IL31RA: variants seen among roughly 807,000 people sequenced by gnomAD.
The protein encoded by IL31RA is interleukin-31 receptor subunit alpha.
IL31RA carries 66 observed loss-of-function variants against 83.7 expected under a neutral mutation model. That is an observed-to-expected ratio of 0.79 (90% CI 0.65 to 0.97). The LOEUF (loss-of-function observed/expected upper bound fraction) is 0.97, where lower values mean the gene tolerates loss of function less well. Ranked by LOEUF, IL31RA falls within the 50% of genes least tolerant of loss-of-function variation. The pLI, the probability that IL31RA is intolerant of heterozygous loss-of-function variation, is 0.00. For synonymous variants in IL31RA, 325 were observed against 329.0 expected (o/e 0.99, Z 0.13); for missense variants, 798 against 919.4 (o/e 0.87, Z 1.71).
intron 2 of IL31RA, among the ~76,000 whole-genome samples, chr5:55,861,747 C>CT (rs1321763554): frequency 1.4e-4 from 21 of 152,312 alleles, no homozygotes; most frequent in Non-Finnish European, 2.8e-4. Flanking sequence ...CTCCACTTGT[C>CT]TTTTTCTGTC....
At chr5:55,914,774 T>C in intron 13 of IL31RA, 73 bp from the exon 14 acceptor site, 1 of 1,076,072 alleles carries the variant, frequency 9.3e-7, no homozygotes, top group Non-Finnish European at 1.5e-6. Context: ...ACAGCCTCAC[T>C]CTTTTGACTC....
At chr5:55,846,166 T>C in the IL31RA span, among the ~76,000 whole-genome samples, 1 of 152,314 alleles carries the variant, frequency 6.6e-6, no homozygotes, top group South Asian at 2.1e-4. Context: ...GGGACAGTGG[T>C]TTGTCCTGTG....
chr5:55,868,521 A>T (rs1746322426), intron 2 of IL31RA, among the ~76,000 whole-genome samples: 1 of 152,196 alleles, frequency 6.6e-6, no homozygotes, highest in African/African-American at 2.4e-5. Flanking sequence ...TTGGTGTTTT[A>T]AAAATGCTTG....
intron 7 of IL31RA, among the ~76,000 whole-genome samples, chr5:55,897,540 C>T (rs1486456598): frequency 6.6e-6 from 1 of 152,154 alleles, no homozygotes; most frequent in Non-Finnish European, 1.5e-5. Flanking sequence ...GTCCTCGAGT[C>T]ATTGGCAACA....
At chr5:55,868,712 TA>T in intron 2 of IL31RA, 78 bp from the exon 3 acceptor site, 1 of 902,314 alleles carries the variant, frequency 1.1e-6, no homozygotes, top group Non-Finnish European at 1.9e-6. Flanking sequence ...TATTTTCCAT[TA>T]AAAATGTTCA....
intron 12 of IL31RA, among the ~76,000 whole-genome samples, chr5:55,912,260 T>A (rs1749541772): frequency 6.6e-6 from 1 of 152,240 alleles, no homozygotes; most frequent in Non-Finnish European, 1.5e-5. Context: ...ACTTTTATTA[T>A]ATTTTAAAGA....
chr5:55,853,474 CTG>C, intron 1 of IL31RA: 2 of 1,547,398 alleles, frequency 1.3e-6, no homozygotes, highest in Non-Finnish European at 1.7e-6. Flanking sequence ...ATTGTTCTTC[CTG>C]TCCTGACTTG....
intron 8 of IL31RA, among the ~76,000 whole-genome samples, chr5:55,900,738 C>T (rs993397393): frequency 1.9e-4 from 29 of 152,214 alleles, no homozygotes; most frequent in African/African-American, 9.6e-5. Context: ...GAATTGCAGA[C>T]AATAGATTTC....
At chr5:55,879,945 T>C in intron 4 of IL31RA, among the ~76,000 whole-genome samples, 1 of 152,188 alleles carries the variant, frequency 6.6e-6, no homozygotes, top group East Asian at 1.9e-4. Context: ...GTGTTTATTC[T>C]GACTGGAGGT....
At chr5:55,850,143 A>T (rs1025201342), upstream of IL31RA, among the ~76,000 whole-genome samples, 2 of 151,576 alleles carry the variant, frequency 1.3e-5, no homozygotes, top group African/African-American at 2.4e-5. Flanking sequence ...ATCTGGAAAC[A>T]TTTTTTTTCT....
At chr5:55,841,793 T>C in the IL31RA span, among the ~76,000 whole-genome samples, 2 of 152,148 alleles carry the variant, frequency 1.3e-5, no homozygotes, top group African/African-American at 4.8e-5. Context: ...TTCCTAGGGA[T>C]GTTGTAGCAA....
At chr5:55,894,814 T>G (rs1346361956) in intron 6 of IL31RA, among the ~76,000 whole-genome samples, 7 of 152,186 alleles carry the variant, frequency 4.6e-5, no homozygotes, top group Admixed American at 4.6e-4. Context: ...CTTCCCGGGT[T>G]CAAGCGATTC....
chr5:55,883,514 T>C (rs1459536917), intron 5 of IL31RA, among the ~76,000 whole-genome samples: 1 of 152,236 alleles, frequency 6.6e-6, no homozygotes, highest in Non-Finnish European at 1.5e-5. Context: ...TTTTATTTTT[T>C]ATTTTTCTGA....
chr5:55,907,861 T>C (rs897714252), intron 10 of IL31RA, among the ~76,000 whole-genome samples: 1 of 152,212 alleles, frequency 6.6e-6, no homozygotes, highest in Non-Finnish European at 1.5e-5. Flanking sequence ...TACTGGTGAA[T>C]TGCTCAAGCT....
chr5:55,902,946 C>T (rs766163338), intron 8 of IL31RA, among the ~76,000 whole-genome samples: 2 of 152,178 alleles, frequency 1.3e-5, no homozygotes, highest in African/African-American at 4.8e-5. Context: ...GATTCCAGCT[C>T]GGATCTGCAG....
At chr5:55,843,923 G>T in the IL31RA span, among the ~76,000 whole-genome samples, 1 of 152,016 alleles carries the variant, frequency 6.6e-6, no homozygotes, top group African/African-American at 2.4e-5. Flanking sequence ...TCTTCCTTCT[G>T]CAGCTTTCTT....
At chr5:55,839,990 C>T in the IL31RA span, 3 of 577,904 alleles carry the variant, frequency 5.2e-6, no homozygotes, top group Middle Eastern at 2.9e-4. Context: ...GGACCTTCAA[C>T]ATAAACCCCT....
At chr5:55,896,306 C>T in intron 6 of IL31RA, 44 bp from the exon 7 acceptor site, 1 of 1,343,760 alleles carries the variant, frequency 7.4e-7, no homozygotes, top group South Asian at 1.2e-5. Context: ...TCCTCTGCAA[C>T]TCCCTTATCT....
intron 6 of IL31RA, among the ~76,000 whole-genome samples, chr5:55,891,781 T>TTTTA (rs1748016144): frequency 7.8e-6 from 1 of 128,112 alleles, no homozygotes; most frequent in Admixed American, 8.0e-5. Flanking sequence ...TTTTTTTTTT[T>TTTTA]TTTTTTTTTT....
Sources: allele counts gnomAD v4.1 joint callset (sites outside exome capture counted in the v4.1 genomes callset), GRCh38; gene constraint gnomAD v4.1.1; transcripts MANE v1.5; gene names NCBI Gene and HGNC (gene_info 2026-07-23, HGNC 2026-07-21).